ICE2: variants seen among roughly 807,000 people sequenced by gnomAD.
ICE2 encodes little elongation complex subunit 2.
A neutral mutation model predicts 105.4 loss-of-function variants in ICE2; 87 were observed. The ratio of observed to expected loss-of-function variants is 0.83; its 90% CI spans 0.69 to 0.99. The LOEUF (loss-of-function observed/expected upper bound fraction) is 0.99, where lower values mean the gene tolerates loss of function less well. ICE2 is among the 50% of genes least tolerant of loss of function. The probability of loss-of-function intolerance (pLI) is 0.00; values close to 1 mark genes in which losing one functional copy is unlikely to be tolerated. For missense variants in ICE2, 1,323 were observed against 1,146.7 expected (o/e 1.15, Z -2.22); for synonymous variants, 399 against 392.0 (o/e 1.02, Z -0.21).
At chr15:60,472,155 C>T (rs913610702) in intron 3 of ICE2, among the ~76,000 whole-genome samples, 1 of 151,652 alleles carries the variant, frequency 6.6e-6, no homozygotes, top group Non-Finnish European at 1.5e-5. Context: ...TCCAAATATT[C>T]TATAATTTTT....
chr15:60,452,269 C>T, intron 9 of ICE2: 1 of 909,334 alleles, frequency 1.1e-6, no homozygotes, highest in South Asian at 5.1e-5. Flanking sequence ...ACCAAAAGGC[C>T]AATATCCTTA....
chr15:60,469,766 TTTTA>T (rs540044307), intron 3 of ICE2, among the ~76,000 whole-genome samples: 2 of 152,220 alleles, frequency 1.3e-5, no homozygotes, highest in Non-Finnish European at 2.9e-5. Flanking sequence ...AATAAATTTC[TTTTA>T]TTTTAGAGAG....
At position 60,453,618 on chromosome 15, in the gene ICE2, A is replaced by G. The variant is rs1471944478; in HGVS notation, c.1110T>C (p.Phe370=). 3 of 1,613,340 alleles carry G rather than the reference A, an allele frequency of 1.9e-6. No individual in the cohort carries two copies. In the African/African-American group the frequency reaches 4.0e-5, roughly 22 times the overall value. ...SAVFMDKPEE[F]ISEMDMSCEV... is the part of the protein sequence containing the mutation. Reference sequence around the variant, plus strand: ...CATTACATACGTCCATTTCAGATATAAACTCTTCAGGTTTGTCCATAAAGA... The same window carrying G: ...CATTACATACGTCCATTTCAGATATGAACTCTTCAGGTTTGTCCATAAAGA... The change falls in exon 9 of 16, where the codon TTT becomes TTC. Residue 370 remains phenylalanine, a synonymous_variant. Coordinates refer to ENST00000261520, the MANE Select transcript of ICE2 (RefSeq NM_024611.6).
intron 11 of ICE2, chr15:60,445,816 T>C: frequency 1.0e-6 from 1 of 982,058 alleles, no homozygotes; most frequent in Non-Finnish European, 1.2e-6. Flanking sequence ...CAAAGTGGTA[T>C]GGGTTCACAG....
chr15:60,456,643 A>G lies in ICE2; in HGVS notation c.666+14T>C. The G allele has an allele frequency of 1.3e-6, 2 of 1,556,332 alleles. No individual in the cohort carries two copies. Among genetic ancestry groups the G allele is most frequent in the Non-Finnish European group, 1.7e-6 (2 of 1,149,506 alleles). ...GACAAAAAAAAGCTTATATCGTCTG[A>G]TAATAAACCTTACCAATGCGAGAAG... is the stretch of plus-strand genomic sequence containing the variant. On this transcript the variant is annotated intron_variant, in intron 6 of 15. Coordinates refer to ENST00000261520, the MANE Select transcript of ICE2 (RefSeq NM_024611.6).
chr15:60,460,924 G>T (rs76843032), intron 5 of ICE2, among the ~76,000 whole-genome samples: 1 of 152,092 alleles, frequency 6.6e-6, no homozygotes, highest in African/African-American at 2.4e-5. Context: ...TTAGATTAGG[G>T]TTTCTCAATG....
intron 5 of ICE2, among the ~76,000 whole-genome samples, chr15:60,457,569 T>C (rs1419024691): frequency 2.0e-5 from 3 of 152,204 alleles, no homozygotes; most frequent in Non-Finnish European, 4.4e-5. Context: ...ATCTTTATCC[T>C]ATATATCTAC....
At chr15:60,429,003 T>C (rs1160056127) in intron 14 of ICE2, among the ~76,000 whole-genome samples, 2 of 152,248 alleles carry the variant, frequency 1.3e-5, no homozygotes, top group Non-Finnish European at 2.9e-5. Flanking sequence ...TAGATATTTA[T>C]AGGTATCTAT....
intron 5 of ICE2, among the ~76,000 whole-genome samples, chr15:60,459,340 T>C (rs996236889): frequency 6.6e-6 from 1 of 152,100 alleles, no homozygotes; most frequent in African/African-American, 2.4e-5. Flanking sequence ...TTTTCAACAA[T>C]AACATGAAGA....
chr15:60,462,432 C>T (rs1012306455), intron 5 of ICE2, among the ~76,000 whole-genome samples: 2 of 152,092 alleles, frequency 1.3e-5, no homozygotes, highest in Non-Finnish European at 1.5e-5. Context: ...AACAAAAAAA[C>T]AGGTTTGTGA....
intron 5 of ICE2, among the ~76,000 whole-genome samples, chr15:60,459,809 G>A (rs1311391287): frequency 2.0e-5 from 3 of 151,926 alleles, no homozygotes; most frequent in Admixed American, 6.6e-5. Flanking sequence ...ACCACTAAGA[G>A]AACAGAAAGT....
At chr15:60,475,218 AAC>A (rs1033274618) in intron 3 of ICE2, among the ~76,000 whole-genome samples, 19 of 152,210 alleles carry the variant, frequency 1.2e-4, no homozygotes, top group African/African-American at 4.6e-4. Context: ...ATTCATCAAC[AAC>A]AGAGTAGAAA....
chr15:60,469,374 T>C (rs1595818338), intron 3 of ICE2, among the ~76,000 whole-genome samples: 1 of 151,796 alleles, frequency 6.6e-6, no homozygotes, highest in African/African-American at 2.4e-5. Flanking sequence ...GGTTGGTAAG[T>C]ACAACAAACA....
intron 9 of ICE2, chr15:60,451,440 T>G (rs1176424487): frequency 8.2e-6 from 8 of 977,570 alleles, no homozygotes; most frequent in Non-Finnish European, 9.7e-6. Context: ...TTAAGAAAAA[T>G]GTAAACAAAC....
intron 11 of ICE2, chr15:60,445,786 T>C: frequency 1.0e-6 from 1 of 985,330 alleles, no homozygotes; most frequent in Non-Finnish European, 1.2e-6. Context: ...TTCTAAGTGC[T>C]GTAAGCTGAA....
At position 60,419,763 on chromosome 15, in the gene ICE2, G is replaced by T. The variant is rs963333280; in HGVS notation, c.*3871C>A. 9 of 152,100 alleles carry T rather than the reference G, an allele frequency of 5.9e-5. No individual in the cohort carries two copies. Among genetic ancestry groups the T allele is most frequent in the African/African-American group, 2.2e-4 (9 of 41,394 alleles). 9.4% of individuals were successfully genotyped at this position (152,100 alleles called of 1,614,324 possible). A position where few individuals can be genotyped will look rare whatever the true frequency, so the allele number is the denominator to read the frequency against. On this transcript the variant is annotated 3_prime_UTR_variant, in exon 16 of 16. Coordinates refer to ENST00000261520, the MANE Select transcript of ICE2 (RefSeq NM_024611.6). Reference sequence around the variant, plus strand: ...TACTACTATATACCTATAATGCATAGAAAACGTCTTAACATCTTTACAACA... The same window carrying T: ...TACTACTATATACCTATAATGCATATAAAACGTCTTAACATCTTTACAACA...
chr15:60,466,408 C>T (rs1323125590), intron 5 of ICE2, among the ~76,000 whole-genome samples, 186 bp downstream of exon 5: 2 of 152,146 alleles, frequency 1.3e-5, no homozygotes, highest in African/African-American at 2.4e-5. Context: ...TAAAAATATA[C>T]TATAGTACAC....
intron 9 of ICE2, among the ~76,000 whole-genome samples, chr15:60,450,841 G>A (rs1490902658): frequency 6.6e-6 from 1 of 152,152 alleles, no homozygotes; most frequent in Non-Finnish European, 1.5e-5. Flanking sequence ...CTCAGTAAAT[G>A]GTAGCTAGTG....
In ICE2 at chr15:60,456,756, A is replaced by G. The variant is rs778832089; in HGVS notation, c.567T>C (p.Tyr189=). The change falls in exon 6 of 16, where the codon TAT becomes TAC. Residue 189 remains tyrosine (Y), a synonymous_variant. Coordinates refer to ENST00000261520, the MANE Select transcript of ICE2 (RefSeq NM_024611.6). ...LRACIEQVKK[Y]SEFYTLHEVT... ...CCTCGTGGAGAGTATAGAATTCTGA[A>G]TACTTTTTCACTTGTTCAATGCAAG... 2 of 1,534,894 alleles carry G rather than the reference A, an allele frequency of 1.3e-6. No individual in the cohort carries two copies. Among genetic ancestry groups the G allele is most frequent in the South Asian group, 2.6e-5 (2 of 77,940 alleles).
Sources: allele counts gnomAD v4.1 joint callset (sites outside exome capture counted in the v4.1 genomes callset), GRCh38; gene constraint gnomAD v4.1.1; transcripts MANE v1.5; gene names NCBI Gene and HGNC (gene_info 2026-07-23, HGNC 2026-07-21).